The following ARHGEF28 variants were observed in gnomAD, a reference collection of about 807,000 sequenced individuals.
ARHGEF28 encodes Rho guanine nucleotide exchange factor 28.
In ARHGEF28, 152 loss-of-function variants were observed where a neutral mutation model predicts 206.6. The ratio of observed to expected loss-of-function variants is 0.74; its 90% CI spans 0.64 to 0.84. ARHGEF28 has a LOEUF of 0.84. ARHGEF28 is among the 40% of genes least tolerant of loss of function. The pLI is 0.00. For missense variants in ARHGEF28, 2,028 were observed against 2,073.2 expected (o/e 0.98, Z 0.42); for synonymous variants, 763 against 776.4 (o/e 0.98, Z 0.29).
intron 6 of ARHGEF28, among the ~76,000 whole-genome samples, chr5:73,779,128 G>C (rs1002838072): frequency 3.3e-5 from 5 of 152,120 alleles, no homozygotes; most frequent in Admixed American, 2.6e-4. Flanking sequence ...AGTTGTAAAG[G>C]GTTCATACTT....
intron 11 of ARHGEF28, among the ~76,000 whole-genome samples, chr5:73,841,976 T>C (rs1315442407): frequency 1.3e-5 from 2 of 152,212 alleles, no homozygotes; most frequent in Non-Finnish European, 2.9e-5. Context: ...AGTTACCTTA[T>C]ATTTTCTTGC....
At chr5:73,780,363 C>T (rs1022575935) in intron 6 of ARHGEF28, 7 of 302,448 alleles carry the variant, frequency 2.3e-5, no homozygotes, top group East Asian at 7.2e-5. Context: ...TTCTTTCTGG[C>T]GTCAAGATTT....
Position 73,821,227 on chromosome 5 carries a change from G to T in ARHGEF28, c.1025-11111G>T, listed in dbSNP as rs775158419. ...AACAGAACAATTTGGAGGAATGCCA[G>T]GTAGTACTTGGCTTTCATCATTCAT... On this transcript the variant is annotated intron_variant, in intron 9 of 35. Transcript: ENST00000513042. Among the ~76,000 whole-genome samples, 9 of 152,196 alleles carry T rather than the reference G, an allele frequency of 5.9e-5. No homozygotes were observed. The Middle Eastern group carries it at 0.01, about 173-fold the overall frequency.
chr5:73,817,660 G>A (rs1756306636), intron 9 of ARHGEF28, among the ~76,000 whole-genome samples: 2 of 152,178 alleles, frequency 1.3e-5, no homozygotes, highest in African/African-American at 2.4e-5. Context: ...AGATGTGATT[G>A]TCATCTTCAT....
At chr5:73,840,864 A>G in intron 11 of ARHGEF28, 104 bp downstream of exon 11, 2 of 1,273,530 alleles carry the variant, frequency 1.6e-6, no homozygotes, top group South Asian at 1.6e-5. Flanking sequence ...TACCACTTTT[A>G]TTTGCCCATC....
chr5:73,669,912 C>T (rs766447872), intron 1 of ARHGEF28, among the ~76,000 whole-genome samples: 1 of 152,192 alleles, frequency 6.6e-6, no homozygotes, highest in Non-Finnish European at 1.5e-5. Context: ...GTCTTGAACT[C>T]CTGACTTCAA....
rs925158129 is a variant in ARHGEF28 at position 73,730,600 on chromosome 5, C to T, written c.34-19237C>T. 2.1e-5 allele frequency among the ~76,000 whole-genome samples: 3 copies of T among 141,368 alleles called. 1 individual carries two copies. Among genetic ancestry groups the T allele is most frequent in the Non-Finnish European group, 4.5e-5 (3 of 66,742 alleles). 92.7% of individuals were successfully genotyped at this position (141,368 alleles called of 152,430 possible). ...CCAGGCTTGAGTGCAGTAGCACGAT[C>T]ACAGCTCGCTGCAGCCTCAGCCTTC... On this transcript the variant is annotated intron_variant, in intron 2 of 35. Transcript: ENST00000513042.
At chr5:73,628,029 T>C (rs1743117618) in intron 1 of ARHGEF28, among the ~76,000 whole-genome samples, 1 of 151,998 alleles carries the variant, frequency 6.6e-6, no homozygotes, top group African/African-American at 2.4e-5. Flanking sequence ...AGAAGAAAAA[T>C]AGTAGTTAAT....
At chr5:73,924,188 G>A (rs1044571575) in intron 35 of ARHGEF28, among the ~76,000 whole-genome samples, 5 of 152,158 alleles carry the variant, frequency 3.3e-5, no homozygotes, top group African/African-American at 1.2e-4. Context: ...TCACTATTAA[G>A]TGAGGGACCT....
intron 30 of ARHGEF28, chr5:73,898,852 C>T (rs1432529623): frequency 6.6e-6 from 1 of 152,138 alleles, no homozygotes; most frequent in Non-Finnish European, 1.5e-5. Flanking sequence ...ACTTTTCATC[C>T]TGTGCAGGTG....
intron 9 of ARHGEF28, among the ~76,000 whole-genome samples, chr5:73,810,861 CCCTA>C (rs1484590222): frequency 1.3e-5 from 2 of 152,052 alleles, no homozygotes; most frequent in African/African-American, 2.4e-5. Flanking sequence ...GTTAGGGAGC[CCCTA>C]TAGATTGTAT....
At chr5:73,881,954 G>T (rs938940604) in intron 22 of ARHGEF28, among the ~76,000 whole-genome samples, 1 of 152,114 alleles carries the variant, frequency 6.6e-6, no homozygotes, top group Non-Finnish European at 1.5e-5. Flanking sequence ...TTTGTAATGT[G>T]TGAACAAAAA....
At chr5:73,714,049 C>G (rs927923378) in intron 2 of ARHGEF28, among the ~76,000 whole-genome samples, 1 of 152,182 alleles carries the variant, frequency 6.6e-6, no homozygotes, top group African/African-American at 2.4e-5. Context: ...AGCTACATCT[C>G]TTGTATTAGC....
At chr5:73,755,424 C>T (rs1245566843) in intron 4 of ARHGEF28, among the ~76,000 whole-genome samples, 2 of 152,076 alleles carry the variant, frequency 1.3e-5, no homozygotes, top group South Asian at 2.1e-4. Context: ...GTTAGTCCCA[C>T]AGCCCCTCCC....
At chr5:73,702,334 T>G (rs972853375) in intron 2 of ARHGEF28, among the ~76,000 whole-genome samples, 2 of 152,198 alleles carry the variant, frequency 1.3e-5, no homozygotes, top group African/African-American at 4.8e-5. Flanking sequence ...TTGAATACAT[T>G]CATATTGTTG....
At chr5:73,698,116 A>G (rs368894150) in intron 2 of ARHGEF28, among the ~76,000 whole-genome samples, 1 of 152,208 alleles carries the variant, frequency 6.6e-6, no homozygotes, top group South Asian at 2.1e-4. Flanking sequence ...AAAGCTGGCA[A>G]ATTCCATAAA....
intron 9 of ARHGEF28, among the ~76,000 whole-genome samples, chr5:73,816,612 A>C (rs1191874465): frequency 6.6e-6 from 1 of 152,242 alleles, no homozygotes; most frequent in Non-Finnish European, 1.5e-5. Context: ...AGGATTTGGT[A>C]ACAAGAGGAA....
chr5:73,653,523 G>A (rs539154111), intron 1 of ARHGEF28, among the ~76,000 whole-genome samples: 1 of 152,292 alleles, frequency 6.6e-6, no homozygotes, highest in Admixed American at 6.5e-5. Context: ...CATGCAAGGT[G>A]CCTAGTGAGG....
At chr5:73,775,834 A>G (rs1483661046) in intron 5 of ARHGEF28, among the ~76,000 whole-genome samples, 1 of 117,282 alleles carries the variant, frequency 8.5e-6, no homozygotes, top group African/African-American at 3.8e-5. Context: ...TTACAAATGT[A>G]CAAATGTTCT....
Sources: allele counts gnomAD v4.1 joint callset (sites outside exome capture counted in the v4.1 genomes callset), GRCh38; gene constraint gnomAD v4.1.1; transcripts MANE v1.5; gene names NCBI Gene and HGNC (gene_info 2026-07-23, HGNC 2026-07-21).